Variants in ITIH4 observed in about 807,000 individuals in gnomAD.
The protein encoded by ITIH4 is inter-alpha-trypsin inhibitor heavy chain H4.
A neutral mutation model predicts 111.8 loss-of-function variants in ITIH4; 79 were observed. The observed-to-expected ratio is 0.71, with a 90% CI of 0.59 to 0.85. The LOEUF (loss-of-function observed/expected upper bound fraction) is 0.85, where lower values mean the gene tolerates loss of function less well. Among genes scored for constraint, ITIH4 ranks in the 40% least tolerant of loss-of-function variants. ITIH4 has a pLI of 0.00. For synonymous variants in ITIH4, 472 were observed against 468.3 expected (o/e 1.01, Z -0.10); for missense variants, 1,065 against 1,195.8 (o/e 0.89, Z 1.61).
chr3:52,822,566 G>C (rs907902573), intron 11 of ITIH4, among the ~76,000 whole-genome samples: 5 of 152,126 alleles, frequency 3.3e-5, no homozygotes, highest in African/African-American at 9.7e-5. Flanking sequence ...CTTTATGAGG[G>C]GGGCATGCGA....
chr3:52,829,263 T>C lies in ITIH4; in HGVS notation c.107A>G (p.Tyr36Cys). 1.2e-6 allele frequency: 2 copies of C among 1,610,898 alleles called. No individual in the cohort carries two copies. The highest frequency in any genetic ancestry group is 1.1e-5 in the South Asian group (1 of 90,906). ...GACCCTGGAGTCCACGGTGAGGCTG[T>C]AGATGTCGATGCCATTCTGGACCAG... ...TTAEKNGIDI[Y>C]SLTVDSRVSS... Residue 36 changes from tyrosine to cysteine, a missense_variant, in exon 2 of 24, where the codon TAC becomes TGC. Coordinates refer to ENST00000266041, the MANE Select transcript of ITIH4 (RefSeq NM_002218.5).
intron 19 of ITIH4, 25 bp downstream of exon 19, chr3:52,818,232 G>A: frequency 1.3e-6 from 2 of 1,581,564 alleles, no homozygotes; most frequent in Non-Finnish European, 1.7e-6. Context: ...GATGTGGAAA[G>A]GGGCCAAGGG....
Position 52,821,006 on chromosome 3 carries a change from TGCTGGA to T in ITIH4, c.1658_1663del (p.Ile553_Gln555delinsLys), listed in dbSNP as rs1168375638. 6.2e-7 allele frequency: 1 copy of T among 1,614,078 alleles called. No homozygotes were observed. Among genetic ancestry groups the T allele is most frequent in the Non-Finnish European group, 8.5e-7 (1 of 1,179,994 alleles). On this transcript the variant is annotated inframe_deletion, in exon 12 of 24. Coordinates refer to ENST00000266041, the MANE Select transcript of ITIH4 (RefSeq NM_002218.5). ...ATGCACTCACGTTTGCTCCAGCAGC[TGCTGGA>T]TAGTCAGGTATGCCCAGAGCCTCTC...
At chr3:52,816,022 G>A (rs1026773578) in intron 21 of ITIH4, among the ~76,000 whole-genome samples, 1 of 152,218 alleles carries the variant, frequency 6.6e-6, no homozygotes, top group Non-Finnish European at 1.5e-5. Flanking sequence ...TTTTGGGTGA[G>A]CCCTTGGATA....
At position 52,814,144 on chromosome 3, in the gene ITIH4, G is replaced by A. The variant is rs139928357; in HGVS notation, c.2626+65C>T. The A allele has an allele frequency of 5.8e-4, 926 of 1,599,856 alleles. 5 individuals carry two copies. In the African/African-American group the frequency reaches 0.011, roughly 19 times the overall value. Reference sequence around the variant, plus strand: ...TGGGAGACACACGCAGGGGAGGGGCGCTGCCTGTTCCCAAGCACAGCTGGT... The same window carrying A: ...TGGGAGACACACGCAGGGGAGGGGCACTGCCTGTTCCCAAGCACAGCTGGT... On this transcript the variant is annotated intron_variant, in intron 22 of 23. Transcript: ENST00000266041.
rs1700366958 is a variant in ITIH4, at chr3:52,820,772, C to T, written c.1693G>A (p.Asp565Asn). Residue 565 changes from aspartate to asparagine, a missense_variant, in exon 13 of 24, where the codon GAT (aspartate) becomes AAT (asparagine). Asp to Asn is a conservative substitution (Grantham distance 23). Coordinates refer to ENST00000266041, the MANE Select transcript of ITIH4 (RefSeq NM_002218.5). ...QLLEQTVSAS[D>N]ADQQALRNQA... ...TTCCGGAGGGCCTGCTGATCAGCAT[C>T]GGATGCGGAGACACTGTAGGTGGAG... 18 of 1,612,158 alleles carry T rather than the reference C, an allele frequency of 1.1e-5. No homozygotes were observed. The highest frequency in any genetic ancestry group is 1.7e-4 in the Middle Eastern group (1 of 6,048).
At position 52,817,018 on chromosome 3, in the gene ITIH4, C is replaced by T; in HGVS notation, c.2337G>A (p.Gly779=). ...TGAAGGTCACTTCGATCCATGAGAA[C>T]CCAGCCTTCTCCCTCTCATACTGGC... The part of the protein sequence containing the change: ...VTGQYEREKA[G]FSWIEVTFKN... The change falls in exon 21 of 24, where the codon GGG becomes GGA. Residue 779 remains glycine (G), a synonymous_variant. Transcript: ENST00000266041. The T allele has an allele frequency of 6.2e-7, 1 of 1,613,980 alleles. No homozygotes were observed. The highest frequency in any genetic ancestry group is 1.1e-5 in the South Asian group (1 of 91,076).
intron 1 of ITIH4, among the ~76,000 whole-genome samples, chr3:52,829,680 T>C (rs939335305): frequency 6.6e-6 from 1 of 152,204 alleles, no homozygotes; most frequent in Non-Finnish European, 1.5e-5. Flanking sequence ...CTTTGCATGC[T>C]GGCTTAGCTT....
At position 52,818,448 on chromosome 3, in the gene ITIH4, G is replaced by A. The variant is rs1330414823; in HGVS notation, c.2152+14C>T. 3.8e-6 allele frequency: 6 copies of A among 1,595,882 alleles called. No individual in the cohort carries two copies. The highest frequency in any genetic ancestry group is 2.3e-5 in the East Asian group (1 of 44,036). ...ATCCCCCTGTTAGGACAGGGCCTCT[G>A]GCCTTGGGGGCACCTTCGATTTTCA... On this transcript the variant is annotated intron_variant, in intron 18 of 23. Transcript: ENST00000266041.
In ITIH4 at chr3:52,822,002, T is replaced by C. The variant is rs1190967467; in HGVS notation, c.1540-872A>G. On this transcript the variant is annotated intron_variant, in intron 11 of 23. Coordinates refer to ENST00000266041, the MANE Select transcript of ITIH4 (RefSeq NM_002218.5). ...TATTTAATTGATATTTTTCCTTAAA[T>C]GAACTTTAAGTAAGCTAACAATTTT... Among the ~76,000 whole-genome samples the C allele has an allele frequency of 3.3e-5, 5 of 152,248 alleles. 1 individual carries two copies. The East Asian group carries it at 9.6e-4, about 29-fold the overall frequency.
At chr3:52,825,845 A>G (rs1700471334) in intron 6 of ITIH4, 41 bp downstream of exon 6, 2 of 1,587,192 alleles carry the variant, frequency 1.3e-6, no homozygotes. Context: ...GGGGGTGGAC[A>G]GACTTCTAGG....
chr3:52,829,666 G>A (rs1376418956), intron 1 of ITIH4, among the ~76,000 whole-genome samples: 2 of 152,224 alleles, frequency 1.3e-5, no homozygotes, highest in Non-Finnish European at 2.9e-5. Context: ...GTGGGGTCAG[G>A]GAGCTTTGCA....
At chr3:52,829,547 GAGCACCCCTTGGAGAAGAACAAGCATGCA>G (rs1700536370) in intron 1 of ITIH4, among the ~76,000 whole-genome samples, 2 of 152,216 alleles carry the variant, frequency 1.3e-5, no homozygotes, top group African/African-American at 4.8e-5. Context: ...TAGGGGCCCA[GAGCACCCCTTGGAGAAGAACAAGCATGCA>G]GGGGGTGGAG....
chr3:52,819,183 G>A (rs1183663926), intron 17 of ITIH4: 12 of 565,812 alleles, frequency 2.1e-5, no homozygotes, highest in Admixed American at 1.2e-4. Flanking sequence ...CTGGGAAGGC[G>A]AGGACAGCCT....
chr3:52,819,284 T>A, intron 17 of ITIH4, 109 bp downstream of exon 17: 1 of 1,293,796 alleles, frequency 7.7e-7, no homozygotes, highest in Non-Finnish European at 1.1e-6. Flanking sequence ...TCAGCAGCCG[T>A]CCCTGGCCTG....
Position 52,824,588 on chromosome 3 carries a change from G to T in ITIH4, c.877-23C>A. 6.3e-7 allele frequency: 1 copy of T among 1,598,606 alleles called. No homozygotes were observed. Reference sequence around the variant, plus strand: ...GGTCTGGTCAGGGAGAGGAAACATAGGTGCTTCAGAAGGGCTCCCTGAGGG... The same window carrying T: ...GGTCTGGTCAGGGAGAGGAAACATATGTGCTTCAGAAGGGCTCCCTGAGGG... On this transcript the variant is annotated intron_variant, in intron 7 of 23. Coordinates refer to ENST00000266041, the MANE Select transcript of ITIH4 (RefSeq NM_002218.5). The surrounding 1 kb of genome is among the most constrained non-coding windows in gnomAD (Gnocchi z 4.3).
chr3:52,814,455 C>T, intron 21 of ITIH4, 92 bp from the exon 22 acceptor site: 4 of 1,142,762 alleles, frequency 3.5e-6, no homozygotes, highest in Non-Finnish European at 5.1e-6. Context: ...GGCTTCCCCT[C>T]TTGTCCAGGA....
chr3:52,828,129 G>A (rs1289100962), intron 2 of ITIH4, among the ~76,000 whole-genome samples: 1 of 152,138 alleles, frequency 6.6e-6, no homozygotes, highest in Non-Finnish European at 1.5e-5. Flanking sequence ...GCCAGGTCAG[G>A]GAGCAGGGAA....
chr3:52,820,222 G>A, intron 14 of ITIH4, 69 bp downstream of exon 14: 1 of 1,606,498 alleles, frequency 6.2e-7, no homozygotes, highest in Non-Finnish European at 8.5e-7. Context: ...ACCTCACAGG[G>A]CTGGTGCCCT....
Sources: allele counts gnomAD v4.1 joint callset (sites outside exome capture counted in the v4.1 genomes callset), GRCh38; gene constraint gnomAD v4.1.1; non-coding constraint Gnocchi (gnomAD v3.1); transcripts MANE v1.5; gene names NCBI Gene and HGNC (gene_info 2026-07-23, HGNC 2026-07-21).